The following SMURF1 variants were observed in gnomAD, a reference collection of about 807,000 sequenced individuals.
SMURF1 encodes the protein E3 ubiquitin-protein ligase SMURF1.
In SMURF1, 44 loss-of-function variants were observed where a neutral mutation model predicts 98.0. The ratio of observed to expected loss-of-function variants is 0.45; its 90% CI spans 0.35 to 0.58. The LOEUF (loss-of-function observed/expected upper bound fraction) is 0.58. SMURF1 is among the 20% of genes least tolerant of loss of function. The pLI is 0.00. For synonymous variants in SMURF1, 396 were observed against 374.9 expected (o/e 1.06, Z -0.65); for missense variants, 687 against 938.4 (o/e 0.73, Z 3.50).
chr7:99,083,542 C>A (rs974463128), intron 1 of SMURF1, among the ~76,000 whole-genome samples: 2 of 152,164 alleles, frequency 1.3e-5, no homozygotes, highest in African/African-American at 4.8e-5. Flanking sequence ...AATAAATAAC[C>A]TACCCATTAT....
chr7:99,089,065 G>A (rs993000670), intron 1 of SMURF1, among the ~76,000 whole-genome samples: 1 of 152,060 alleles, frequency 6.6e-6, no homozygotes, highest in African/African-American at 2.4e-5. Context: ...TTAGCTAGGC[G>A]TGGTGGCGTG....
chr7:99,066,784 G>GAAAAA (rs111395590), intron 1 of SMURF1, among the ~76,000 whole-genome samples: 4 of 92,590 alleles, frequency 4.3e-5, no homozygotes, highest in East Asian at 3.0e-4. Context: ...GTCTCAAAAA[G>GAAAAA]AAAAAAAAAA....
intron 5 of SMURF1, among the ~76,000 whole-genome samples, chr7:99,055,099 T>C (rs1795848983): frequency 6.6e-6 from 1 of 152,190 alleles, no homozygotes; most frequent in Non-Finnish European, 1.5e-5. Context: ...GCTATGTTTC[T>C]CCTGGTCTCC....
At chr7:99,072,354 C>T (rs1796346159) in intron 1 of SMURF1, among the ~76,000 whole-genome samples, 2 of 152,066 alleles carry the variant, frequency 1.3e-5, no homozygotes, top group Non-Finnish European at 2.9e-5. Context: ...ATAGAAAGAT[C>T]AACAGAAAAT....
chr7:99,094,322 AAT>A (rs1204211061), intron 1 of SMURF1, among the ~76,000 whole-genome samples: 3 of 152,198 alleles, frequency 2.0e-5, no homozygotes, highest in African/African-American at 7.2e-5. Context: ...AGTTTAGGGC[AAT>A]ATATATCAAC....
chr7:99,048,148 G>A (rs538300164), intron 9 of SMURF1: 26 of 409,438 alleles, frequency 6.4e-5, no homozygotes, highest in Middle Eastern at 7.8e-4. Context: ...AGCACTTTGG[G>A]AGGCTGAGGT....
chr7:99,069,346 A>G (rs1222094243), intron 1 of SMURF1, among the ~76,000 whole-genome samples: 1 of 152,170 alleles, frequency 6.6e-6, no homozygotes, highest in Non-Finnish European at 1.5e-5. Flanking sequence ...GGGAGGAACC[A>G]TCCATCCATC....
chr7:99,092,656 G>A (rs1375332169), intron 1 of SMURF1, among the ~76,000 whole-genome samples: 3 of 152,218 alleles, frequency 2.0e-5, no homozygotes, highest in African/African-American at 7.2e-5. Context: ...CCCAAGCAAA[G>A]TGGTGAAGTG....
intron 6 of SMURF1, among the ~76,000 whole-genome samples, chr7:99,054,453 C>G (rs1260561028): frequency 1.3e-5 from 2 of 152,034 alleles, no homozygotes; most frequent in African/African-American, 4.8e-5. Context: ...ACTACAGGCG[C>G]CCACCACCAC....
chr7:99,137,407 A>G (rs1302195436), intron 1 of SMURF1, among the ~76,000 whole-genome samples: 1 of 152,238 alleles, frequency 6.6e-6, no homozygotes, highest in Non-Finnish European at 1.5e-5. Flanking sequence ...TGTGTGAATT[A>G]GAAATCAAAT....
rs1207385468 is a variant in SMURF1 at position 99,049,382 on chromosome 7, GCT to G, written c.953+179_953+180del. 7 of 640,562 alleles carry G rather than the reference GCT, an allele frequency of 1.1e-5. No individual in the cohort carries two copies. In the Admixed American group the frequency reaches 2.1e-4, roughly 20 times the overall value. 39.7% of individuals were successfully genotyped at this position (640,562 alleles called of 1,614,324 possible). On this transcript the variant is annotated intron_variant, in intron 9 of 17. Coordinates refer to ENST00000361368, the MANE Select transcript of SMURF1 (RefSeq NM_181349.3). Reference sequence around the variant, plus strand: ...GGTAGCAACAACATAGGGCTTCAGTGCTCTTCACAGCTAATTTAAGAGTTTAA... The same window carrying G: ...GGTAGCAACAACATAGGGCTTCAGTGCTTCACAGCTAATTTAAGAGTTTAA...
intron 1 of SMURF1, among the ~76,000 whole-genome samples, chr7:99,066,079 T>C (rs1241922796): frequency 6.6e-6 from 1 of 151,050 alleles, no homozygotes; most frequent in Non-Finnish European, 1.5e-5. Flanking sequence ...GAAGACTACA[T>C]GTTCTCCCTT....
chr7:99,073,135 T>G (rs919019937), intron 1 of SMURF1, among the ~76,000 whole-genome samples: 5 of 152,052 alleles, frequency 3.3e-5, no homozygotes, highest in Non-Finnish European at 5.9e-5. Context: ...CCCAGCAGTC[T>G]GGGAGGCCGA....
chr7:99,062,491 G>GT (rs1796055855), intron 1 of SMURF1, among the ~76,000 whole-genome samples: 2 of 151,900 alleles, frequency 1.3e-5, no homozygotes, highest in Admixed American at 1.3e-4. Context: ...GGGGAAGGTG[G>GT]TAAAAAAAAA....
At position 99,122,547 on chromosome 7, in the gene SMURF1, G is replaced by A. The variant is rs1797658465; in HGVS notation, c.55+21179C>T. On this transcript the variant is annotated intron_variant, in intron 1 of 17. Coordinates refer to ENST00000361368, the MANE Select transcript of SMURF1 (RefSeq NM_181349.3). ...TAATCCCAGCTACTTGGGAGGCTGA[G>A]GCAGAAGAATTGCTTGAACCTGGGA... is the stretch of plus-strand genomic sequence containing the variant. Among the ~76,000 whole-genome samples the A allele has an allele frequency of 1.3e-5, 2 of 151,274 alleles. 1 individual carries two copies. Among genetic ancestry groups the A allele is most frequent in the Admixed American group, 1.3e-4 (2 of 15,190 alleles).
chr7:99,043,579 G>T (rs929363330), intron 11 of SMURF1, among the ~76,000 whole-genome samples: 2 of 152,180 alleles, frequency 1.3e-5, no homozygotes, highest in Non-Finnish European at 1.5e-5. Context: ...AAACCAGGGA[G>T]TCCGACAGCT....
chr7:99,058,633 T>TA (rs1363525830), intron 3 of SMURF1, among the ~76,000 whole-genome samples: 1 of 150,200 alleles, frequency 6.7e-6, no homozygotes, highest in African/African-American at 2.5e-5. Flanking sequence ...TCAACCCACT[T>TA]ACACAGCCTC....
intron 1 of SMURF1, among the ~76,000 whole-genome samples, chr7:99,091,459 G>C (rs967818407): frequency 7.9e-5 from 12 of 152,150 alleles, no homozygotes; most frequent in African/African-American, 2.9e-4. Context: ...CTCAGGGTCT[G>C]GGCATTCACA....
intron 1 of SMURF1, among the ~76,000 whole-genome samples, chr7:99,142,437 A>C (rs1472219148): frequency 6.6e-6 from 1 of 151,882 alleles, no homozygotes; most frequent in Non-Finnish European, 1.5e-5. Context: ...CCAGACTGAG[A>C]CTGAAGAGGG....
Sources: allele counts gnomAD v4.1 joint callset (sites outside exome capture counted in the v4.1 genomes callset), GRCh38; gene constraint gnomAD v4.1.1; transcripts MANE v1.5; gene names NCBI Gene and HGNC (gene_info 2026-07-23, HGNC 2026-07-21).